The following RGS12 variants were observed in gnomAD, a reference collection of about 807,000 sequenced individuals.
RGS12 encodes regulator of G-protein signaling 12.
A neutral mutation model predicts 120.1 loss-of-function variants in RGS12; 66 were observed. The ratio of observed to expected loss-of-function variants is 0.55; its 90% CI spans 0.45 to 0.67. The LOEUF is 0.67. Among genes scored for constraint, RGS12 ranks in the 30% least tolerant of loss-of-function variants. The probability of loss-of-function intolerance (pLI) is 0.00; values close to 1 mark genes in which losing one functional copy is unlikely to be tolerated. For missense variants in RGS12, 1,859 were observed against 1,957.7 expected (o/e 0.95, Z 0.95); for synonymous variants, 827 against 804.7 (o/e 1.03, Z -0.47).
At chr4:3,309,371 A>G (rs1445499703) in intron 1 of RGS12, among the ~76,000 whole-genome samples, 62 of 134,028 alleles carry the variant, frequency 4.6e-4, no homozygotes, top group Non-Finnish European at 7.2e-4. Context: ...GCTGAGGGGA[A>G]CCGTGCAGGG....
intron 4 of RGS12, among the ~76,000 whole-genome samples, chr4:3,412,796 G>T (rs1051922489): frequency 1.3e-5 from 2 of 152,276 alleles, no homozygotes; most frequent in Non-Finnish European, 2.9e-5. Flanking sequence ...GCAGGGCATG[G>T]CTCAGCTGCA....
intron 12 of RGS12, 37 bp downstream of exon 12, chr4:3,423,015 C>G (rs1416044562): frequency 1.3e-6 from 2 of 1,551,412 alleles, no homozygotes; most frequent in Non-Finnish European, 8.9e-7. Flanking sequence ...CTGAGGCTCC[C>G]AGAGCCAACC....
intron 4 of RGS12, among the ~76,000 whole-genome samples, chr4:3,406,865 A>G (rs1310370246): frequency 6.6e-6 from 1 of 152,208 alleles, no homozygotes; most frequent in Admixed American, 6.5e-5. Flanking sequence ...GTGAGTTGGC[A>G]TATTTTGCTT....
At chr4:3,287,347 A>G in the RGS12 span, among the ~76,000 whole-genome samples, 8,716 of 152,106 alleles carry the variant, frequency 0.057, 439 homozygotes, top group African/African-American at 0.14. Context: ...GGCACATCAC[A>G]TGGTCTGAAA....
intron 4 of RGS12, among the ~76,000 whole-genome samples, chr4:3,405,195 CACTT>C (rs1720980197): frequency 1.3e-5 from 2 of 152,240 alleles, no homozygotes; most frequent in South Asian, 4.1e-4. Flanking sequence ...CGAAGCAAGA[CACTT>C]ACAGAGCCTC....
Position 3,438,208 on chromosome 4 carries a change from G to C in RGS12, c.4115-1247G>C, listed in dbSNP as rs930770941. Among the ~76,000 whole-genome samples the C allele has an allele frequency of 1.3e-5, 2 of 152,090 alleles. 1 individual carries two copies. The highest frequency in any genetic ancestry group is 4.1e-4 in the South Asian group (2 of 4,836). ...CCTGCCACCCCATAGGCGCCTCAAGGCCTCCACCCTGGCATGGACATGACT... is the reference window on the plus strand; with the variant it reads ...CCTGCCACCCCATAGGCGCCTCAAGCCCTCCACCCTGGCATGGACATGACT... On this transcript the variant is annotated intron_variant, in intron 17 of 17. Coordinates refer to ENST00000336727, the MANE Select transcript of RGS12 (RefSeq NM_001394154.1).
At chr4:3,311,384 T>C (rs1724392766) in intron 1 of RGS12, among the ~76,000 whole-genome samples, 1 of 152,202 alleles carries the variant, frequency 6.6e-6, no homozygotes, top group Admixed American at 6.5e-5. Context: ...GTTTTAACTT[T>C]AGAAGGGAAT....
In RGS12 at chr4:3,353,187, A is replaced by G. The variant is rs142840870; in HGVS notation, c.1998+10134A>G. 2.0e-5 allele frequency among the ~76,000 whole-genome samples: 3 copies of G among 152,320 alleles called. No individual in the cohort carries two copies. In the East Asian group the frequency reaches 5.8e-4, roughly 29 times the overall value. ...CAGATCATACAGGCCCTCTGGGACTACTTTGCTGGAGGGTGGGAGGGTTAA... is the reference window on the plus strand; with the variant it reads ...CAGATCATACAGGCCCTCTGGGACTGCTTTGCTGGAGGGTGGGAGGGTTAA... On this transcript the variant is annotated intron_variant, in intron 3 of 17. Transcript: ENST00000336727.
chr4:3,367,386 C>T (rs1370822014), intron 3 of RGS12, among the ~76,000 whole-genome samples: 2 of 152,266 alleles, frequency 1.3e-5, no homozygotes, highest in Non-Finnish European at 2.9e-5. Context: ...TGATCGGGTG[C>T]TCCCGCCTTG....
At chr4:3,295,247 C>A (rs1011556282) in intron 1 of RGS12, among the ~76,000 whole-genome samples, 7 of 152,182 alleles carry the variant, frequency 4.6e-5, no homozygotes, top group African/African-American at 1.2e-4. Context: ...CTGAGGCTGC[C>A]GCTAGTCAGC....
At chr4:3,391,024 ACAGTG>A (rs1474366465) in intron 4 of RGS12, among the ~76,000 whole-genome samples, 9 of 152,260 alleles carry the variant, frequency 5.9e-5, no homozygotes, top group Admixed American at 1.3e-4. Context: ...CATCAGAAAA[ACAGTG>A]CAGCCTAATT....
intron 2 of RGS12, among the ~76,000 whole-genome samples, chr4:3,328,907 G>A (rs899441794): frequency 6.6e-6 from 1 of 152,294 alleles, no homozygotes; most frequent in Non-Finnish European, 1.5e-5. Context: ...GAGCAGAGTG[G>A]CCATCTGGGA....
intron 1 of RGS12, among the ~76,000 whole-genome samples, chr4:3,301,874 C>T (rs765423459): frequency 2.0e-5 from 3 of 152,172 alleles, no homozygotes. Context: ...CAGGTTTAAA[C>T]ACAGCCTCTC....
At chr4:3,355,699 GTGGGAGGATTGCCTGAGCC>G (rs149728910) in intron 3 of RGS12, among the ~76,000 whole-genome samples, 4,739 of 150,920 alleles carry the variant, frequency 0.031, 224 homozygotes, top group African/African-American at 0.1. Context: ...TGGGGCTGAG[GTGGGAGGATTGCCTGAGCC>G]TGGGAGGTCA....
intron 2 of RGS12, among the ~76,000 whole-genome samples, chr4:3,328,070 G>A (rs1390790610): frequency 6.6e-6 from 1 of 152,228 alleles, no homozygotes; most frequent in Non-Finnish European, 1.5e-5. Context: ...TCAAAAGAAT[G>A]AAATCTTGTC....
intron 3 of RGS12, among the ~76,000 whole-genome samples, chr4:3,368,422 CTG>C (rs969003925): frequency 1.3e-4 from 13 of 97,868 alleles, no homozygotes; most frequent in South Asian, 4.1e-4. Context: ...GTGTGAGTGC[CTG>C]TGTGTGTGTG....
intron 4 of RGS12, among the ~76,000 whole-genome samples, chr4:3,409,857 A>T (rs1406679552): frequency 6.6e-6 from 1 of 152,200 alleles, no homozygotes; most frequent in Non-Finnish European, 1.5e-5. Context: ...AGGGCCCCTC[A>T]GCTGGGCCTC....
chr4:3,413,696 T>G (rs890098068), intron 4 of RGS12: 4 of 195,018 alleles, frequency 2.1e-5, no homozygotes, highest in Non-Finnish European at 3.1e-5. Context: ...CACATGCTCC[T>G]GTGTAAGGTT....
At chr4:3,367,486 C>T (rs186856701) in intron 3 of RGS12, among the ~76,000 whole-genome samples, 210 of 152,384 alleles carry the variant, frequency 1.4e-3, no homozygotes, top group Middle Eastern at 0.01. Context: ...GAACCCGACT[C>T]CCACCAGGCA....
Sources: gnomAD v4.1 joint callset for allele counts (sites outside exome capture counted in the v4.1 genomes callset) on GRCh38, gnomAD v4.1.1 for gene constraint, MANE v1.5 for transcripts, NCBI Gene and HGNC (gene_info 2026-07-23, HGNC 2026-07-21) for gene names.